TEX51: variants seen among roughly 807,000 people sequenced by gnomAD.
TEX51 encodes the protein testis-expressed protein 51.
A neutral mutation model predicts 8.0 loss-of-function variants in TEX51; 14 were observed. The observed-to-expected ratio is 1.76, with a 90% CI of 1.16 to 2.75. The LOEUF (loss-of-function observed/expected upper bound fraction) is 2.75. Among genes scored for constraint, TEX51 ranks in the 30% most tolerant of loss-of-function variants. The pLI, the probability that TEX51 is intolerant of heterozygous loss-of-function variation, is 0.00. For synonymous variants in TEX51, 58 were observed against 28.6 expected (o/e 2.03, Z -3.29); for missense variants, 142 against 77.4 (o/e 1.83, Z -3.13).
intron 4 of TEX51, among the ~76,000 whole-genome samples, chr2:126,900,729 C>T (rs914638254): frequency 1.3e-5 from 2 of 152,192 alleles, no homozygotes; most frequent in African/African-American, 4.8e-5. Context: ...CTACCCATGA[C>T]ACTCCCTGCT....
chr2:126,900,148 G>A (rs1337265721), intron 4 of TEX51, 129 bp downstream of exon 4: 4 of 653,950 alleles, frequency 6.1e-6, no homozygotes, highest in Non-Finnish European at 1.1e-5. Context: ...CTGGGTGAAG[G>A]CAGCACCTTC....
chr2:126,899,963 G>GTC lies in TEX51; in HGVS notation c.338_339insTC (p.Cys114ProfsTer30), dbSNP rs1680239487. 1 of 701,754 alleles carries GTC rather than the reference G, an allele frequency of 1.4e-6. No individual in the cohort carries two copies. Among genetic ancestry groups the GTC allele is most frequent in the Non-Finnish European group, 2.6e-6 (1 of 384,804 alleles). 43.5% of individuals were successfully genotyped at this position (701,754 alleles called of 1,614,324 possible). A position where few individuals can be genotyped will look rare whatever the true frequency, so the allele number is the denominator to read the frequency against. On this transcript the variant is annotated frameshift_variant, in exon 4 of 7. Coordinates refer to ENST00000568484, the MANE Select transcript of TEX51 (RefSeq NM_001322244.2). LOFTEE classifies it high-confidence loss of function. ...ATACAGTCCACACTGAAGGTCACCA[G>GTC]CTGTGCTGACTGCAGGACTCACTTC...
At chr2:126,901,085 C>T in intron 4 of TEX51, 125 bp from the exon 5 acceptor site, 1 of 579,450 alleles carries the variant, frequency 1.7e-6, no homozygotes, top group Non-Finnish European at 3.1e-6. Flanking sequence ...ACAGCGTGCT[C>T]AGTAAGTGTT....
In TEX51 at chr2:126,898,892, T is replaced by A. The variant is rs894623897; in HGVS notation, c.-27T>A. ...CACGTGGAACTTCCAGGCAGGGCAC[T>A]GGGGCACAGTAGGAGGAACCCAGAA... On this transcript the variant is annotated 5_prime_UTR_variant, in exon 1 of 7. Transcript: ENST00000568484. 2 of 690,900 alleles carry A rather than the reference T, an allele frequency of 2.9e-6. No homozygotes were observed. The highest frequency in any genetic ancestry group is 3.5e-5 in the African/African-American group (2 of 57,032). The allele number at this position is 690,900 out of a possible 1,614,324, so 42.8% of individuals were successfully genotyped here. A position where few individuals can be genotyped will look rare whatever the true frequency, so the allele number is the denominator to read the frequency against.
chr2:126,901,307 C>A, intron 5 of TEX51, 29 bp downstream of exon 5: 1 of 701,204 alleles, frequency 1.4e-6, no homozygotes, highest in Non-Finnish European at 2.6e-6. Flanking sequence ...CAAGCCCCAG[C>A]ATCCCCAGGG....
intron 6 of TEX51, chr2:126,901,626 G>T (rs1680336737): frequency 3.3e-6 from 2 of 599,076 alleles, no homozygotes; most frequent in Admixed American, 3.0e-5. Flanking sequence ...AAATGGCAAA[G>T]CTCCAGGCCT....
chr2:126,899,836 C>T (rs1243376525), intron 3 of TEX51, 100 bp from the exon 4 acceptor site: 3 of 702,242 alleles, frequency 4.3e-6, no homozygotes, highest in Non-Finnish European at 7.8e-6. Flanking sequence ...TCCCTGGCAG[C>T]CTGCAATGAG....
At position 126,901,954 on chromosome 2, in the gene TEX51, C is replaced by G; in HGVS notation, c.*85C>G. On this transcript the variant is annotated 3_prime_UTR_variant, in exon 7 of 7. Transcript: ENST00000568484. Reference sequence around the variant, plus strand: ...ACAAAGTTCACTCATCTCTGGGTCCCGGTGACCCCATCCCCCCATACCCTC... The same window carrying G: ...ACAAAGTTCACTCATCTCTGGGTCCGGGTGACCCCATCCCCCCATACCCTC... 1.5e-6 allele frequency: 1 copy of G among 667,572 alleles called. No individual in the cohort carries two copies. The highest frequency in any genetic ancestry group is 2.2e-5 in the Admixed American group (1 of 45,916). 41.4% of individuals were successfully genotyped at this position (667,572 alleles called of 1,614,324 possible). A position where few individuals can be genotyped will look rare whatever the true frequency, so the allele number is the denominator to read the frequency against.
chr2:126,900,995 A>C (rs1680299892), intron 4 of TEX51, among the ~76,000 whole-genome samples: 1 of 152,100 alleles, frequency 6.6e-6, no homozygotes. Context: ...CCTCACTGTC[A>C]CTTCCCCTCC....
intron 6 of TEX51, 125 bp from the exon 7 acceptor site, chr2:126,901,747 C>A (rs1405850324): frequency 1.7e-6 from 1 of 572,396 alleles, no homozygotes; most frequent in East Asian, 2.9e-5. Flanking sequence ...GCATGGCTGC[C>A]TTGCCCTCTG....
chr2:126,899,706 A>T (rs757884322), intron 3 of TEX51, 94 bp downstream of exon 3: 9 of 694,962 alleles, frequency 1.3e-5, no homozygotes, highest in Non-Finnish European at 2.1e-5. Flanking sequence ...CCCCTCGATC[A>T]TCCCCAGGAG....
At chr2:126,899,657 C>T (rs1159923767) in intron 3 of TEX51, 45 bp downstream of exon 3, 25 of 694,648 alleles carry the variant, frequency 3.6e-5, no homozygotes, top group Non-Finnish European at 6.3e-5. Context: ...GCCCTCCACA[C>T]CTGCCAAGAC....
At chr2:126,901,480 G>A in intron 6 of TEX51, 76 bp downstream of exon 6, 1 of 695,880 alleles carries the variant, frequency 1.4e-6, no homozygotes, top group South Asian at 1.5e-5. Flanking sequence ...GGAGTCTCAG[G>A]GCCTGGAACC....
intron 4 of TEX51, among the ~76,000 whole-genome samples, chr2:126,900,711 G>A (rs1468725866): frequency 6.6e-6 from 1 of 151,946 alleles, no homozygotes; most frequent in Non-Finnish European, 1.5e-5. Flanking sequence ...TCTTCTCAAC[G>A]AGCAAGTCTA....
At chr2:126,901,746 C>A (rs1277771360) in intron 6 of TEX51, 126 bp from the exon 7 acceptor site, 14 of 572,138 alleles carry the variant, frequency 2.4e-5, no homozygotes, top group Non-Finnish European at 3.7e-5. Context: ...AGCATGGCTG[C>A]CTTGCCCTCT....
At chr2:126,899,188 C>T (rs1680182803) in intron 1 of TEX51, 29 bp from the exon 2 acceptor site, 1 of 702,326 alleles carries the variant, frequency 1.4e-6, no homozygotes. Flanking sequence ...ACTCCCTTGA[C>T]TTCCCTTTGA....
At chr2:126,899,736 T>C (rs897115368) in intron 3 of TEX51, 124 bp downstream of exon 3, 8 of 699,950 alleles carry the variant, frequency 1.1e-5, no homozygotes, top group African/African-American at 7.0e-5. Flanking sequence ...TCTCCATGAA[T>C]GCCTTCCCGG....
At chr2:126,899,892 A>G in intron 3 of TEX51, 44 bp from the exon 4 acceptor site, 1 of 702,090 alleles carries the variant, frequency 1.4e-6, no homozygotes, top group Non-Finnish European at 2.6e-6. Context: ...GGAGGGATGA[A>G]AGGCACCTGG....
At chr2:126,900,469 TC>T (rs1214505474) in intron 4 of TEX51, among the ~76,000 whole-genome samples, 4 of 151,462 alleles carry the variant, frequency 2.6e-5, no homozygotes, top group African/African-American at 9.7e-5. Flanking sequence ...AACCTGTTCT[TC>T]CTCCAGGGCC....
Sources: allele counts gnomAD v4.1 joint callset (sites outside exome capture counted in the v4.1 genomes callset), GRCh38; gene constraint gnomAD v4.1.1; transcripts MANE v1.5; gene names NCBI Gene and HGNC (gene_info 2026-07-23, HGNC 2026-07-21).